GPC3: variants seen among roughly 807,000 people sequenced by gnomAD.
The protein encoded by GPC3 is glypican 3.
Under a neutral mutation model 34.4 loss-of-function variants are expected in GPC3, and 3 were observed. That is an observed-to-expected ratio of 0.09 (90% confidence interval 0.04 to 0.23). The LOEUF is 0.23. GPC3 is among the 10% of genes least tolerant of loss of function. GPC3 has a pLI of 1.00. For missense variants in GPC3, 351 were observed against 445.6 expected (o/e 0.79, Z 1.91); for synonymous variants, 177 against 174.0 (o/e 1.02, Z -0.13).
intron 7 of GPC3, among the ~76,000 whole-genome samples, chrX:133,542,871 A>G (rs1274680768): frequency 9.0e-6 from 1 of 111,432 alleles, no homozygotes; most frequent in Non-Finnish European, 1.9e-5. Flanking sequence ...TCCAAAACAG[A>G]CCCTGGTTTC....
intron 3 of GPC3, among the ~76,000 whole-genome samples, chrX:133,738,516 A>G (rs769046352): frequency 1.8e-3 from 198 of 112,155 alleles, no homozygotes; most frequent in African/African-American, 5.9e-3. Context: ...ATTATCCCAA[A>G]GATTTGTAAT....
At chrX:133,801,593 T>A (rs1341676055) in intron 2 of GPC3, among the ~76,000 whole-genome samples, 2 of 112,524 alleles carry the variant, frequency 1.8e-5, no homozygotes, top group Admixed American at 1.9e-4. Context: ...ACTGCCATTA[T>A]TCTTAACAAA....
intron 2 of GPC3, among the ~76,000 whole-genome samples, chrX:133,854,614 G>C (rs927612607): frequency 2.7e-5 from 3 of 112,058 alleles, no homozygotes; most frequent in African/African-American, 6.5e-5. Flanking sequence ...TTGACTAGAA[G>C]TTGTGCATTC....
intron 7 of GPC3, among the ~76,000 whole-genome samples, chrX:133,562,316 CTGA>C (rs1263047465): frequency 9.0e-6 from 1 of 111,310 alleles, no homozygotes; most frequent in Admixed American, 9.6e-5. Flanking sequence ...GATTTTCCTG[CTGA>C]TTTTTCCCAA....
At chrX:133,630,956 A>G (rs748103320) in intron 6 of GPC3, among the ~76,000 whole-genome samples, 10 of 111,984 alleles carry the variant, frequency 8.9e-5, no homozygotes, top group Non-Finnish European at 1.7e-4. Context: ...GGGAAAACAC[A>G]TTACACTGTA....
At chrX:133,979,774 A>G (rs1229038838) in intron 1 of GPC3, among the ~76,000 whole-genome samples, 2 of 111,905 alleles carry the variant, frequency 1.8e-5, no homozygotes, top group Non-Finnish European at 3.8e-5. Flanking sequence ...TTCCTAATGG[A>G]GTGCCAGGGA....
chrX:133,700,944 C>A (rs1295535393), intron 3 of GPC3, among the ~76,000 whole-genome samples: 1 of 111,189 alleles, frequency 9.0e-6, no homozygotes, highest in Non-Finnish European at 1.9e-5. Context: ...TAAATAAGCC[C>A]AGGATTAAAA....
intron 3 of GPC3, among the ~76,000 whole-genome samples, chrX:133,751,175 A>G (rs1228560648): frequency 3.6e-5 from 4 of 111,077 alleles, no homozygotes; most frequent in African/African-American, 1.3e-4. Flanking sequence ...TTGCTATGAA[A>G]TGACCAATAT....
chrX:133,654,812 A>G (rs1392550817), intron 6 of GPC3, among the ~76,000 whole-genome samples: 1 of 112,226 alleles, frequency 8.9e-6, no homozygotes, highest in Non-Finnish European at 1.9e-5. Flanking sequence ...AAATTTAGAA[A>G]TGTATTTCTA....
At chrX:133,875,757 T>A (rs1334185686) in intron 2 of GPC3, among the ~76,000 whole-genome samples, 1 of 111,101 alleles carries the variant, frequency 9.0e-6, no homozygotes. Flanking sequence ...ACATAGTGCA[T>A]GGTACTCTGT....
intron 1 of GPC3, among the ~76,000 whole-genome samples, chrX:133,974,035 T>G (rs2076504332): frequency 9.0e-6 from 1 of 110,944 alleles, no homozygotes; most frequent in South Asian, 3.7e-4. Context: ...ACTTTCAGCG[T>G]TTTTTTTGTT....
At chrX:133,660,490 C>T in intron 6 of GPC3, among the ~76,000 whole-genome samples, 1 of 111,705 alleles carries the variant, frequency 9.0e-6, no homozygotes. Context: ...TGTCTTGTTA[C>T]TAAACTTCTT....
At chrX:133,578,743 A>C (rs1337123682) in intron 7 of GPC3, among the ~76,000 whole-genome samples, 4 of 111,270 alleles carry the variant, frequency 3.6e-5, no homozygotes, top group African/African-American at 9.8e-5. Context: ...GTTTGAAGGC[A>C]GCAAACCAGA....
At chrX:133,698,024 C>G (rs372530910) in intron 4 of GPC3, among the ~76,000 whole-genome samples, 2 of 112,161 alleles carry the variant, frequency 1.8e-5, no homozygotes, top group South Asian at 3.8e-4. Flanking sequence ...CACAAGTTAG[C>G]AGTTGGGCCA....
At chrX:133,908,875 A>C (rs2076182706) in intron 2 of GPC3, among the ~76,000 whole-genome samples, 1 of 112,392 alleles carries the variant, frequency 8.9e-6, no homozygotes, top group Non-Finnish European at 1.9e-5. Flanking sequence ...CCTAAATTCA[A>C]GACTTTACAT....
chrX:133,770,728 A>C (rs1243830123), intron 2 of GPC3, among the ~76,000 whole-genome samples: 1 of 111,679 alleles, frequency 9.0e-6, no homozygotes, highest in Non-Finnish European at 1.9e-5. Context: ...CAAGACCAAA[A>C]CCTATTATTT....
intron 2 of GPC3, among the ~76,000 whole-genome samples, chrX:133,818,902 T>TGATAAA (rs2075705332): frequency 9.0e-6 from 1 of 110,625 alleles, no homozygotes; most frequent in Non-Finnish European, 1.9e-5. Flanking sequence ...GTTATGTTTA[T>TGATAAA]CATAACATGG....
intron 3 of GPC3, among the ~76,000 whole-genome samples, chrX:133,740,819 A>T (rs2071557377): frequency 9.0e-6 from 1 of 111,487 alleles, no homozygotes; most frequent in South Asian, 3.8e-4. Context: ...ATACTTTTTT[A>T]AAGTATTTTT....
intron 2 of GPC3, among the ~76,000 whole-genome samples, chrX:133,943,435 T>C (rs1228039945): frequency 3.6e-5 from 4 of 112,668 alleles, no homozygotes; most frequent in Non-Finnish European, 7.5e-5. Context: ...AGAGAACACA[T>C]AGCATTATAA....
Sources: allele counts gnomAD v4.1 joint callset (sites outside exome capture counted in the v4.1 genomes callset), GRCh38; gene constraint gnomAD v4.1.1; transcripts MANE v1.5; gene names NCBI Gene and HGNC (gene_info 2026-07-23, HGNC 2026-07-21).